Variants in SPOCK3 observed in about 807,000 individuals in gnomAD.
The protein encoded by SPOCK3 is SPARC (osteonectin), cwcv and kazal like domains proteoglycan 3.
SPOCK3 carries 30 observed loss-of-function variants against 56.6 expected under a neutral mutation model. The observed-to-expected ratio is 0.53, with a 90% confidence interval of 0.40 to 0.72. SPOCK3 has a LOEUF of 0.72. SPOCK3 is among the 30% of genes least tolerant of loss of function. The pLI is 0.00. For synonymous variants in SPOCK3, 196 were observed against 183.3 expected, an observed-to-expected ratio of 1.07 and a Z score of -0.56; for missense variants, 527 against 530.0, an observed-to-expected ratio of 0.99 and a Z score of 0.06.
At chr4:167,014,456 G>A (rs539258744) in intron 3 of SPOCK3, among the ~76,000 whole-genome samples, 1 of 151,620 alleles carries the variant, frequency 6.6e-6, no homozygotes, top group Admixed American at 6.6e-5. Context: ...GACTAGCCTG[G>A]GCAACAAGGT....
intron 2 of SPOCK3, among the ~76,000 whole-genome samples, chr4:167,085,746 A>G (rs1758136240): frequency 6.6e-6 from 1 of 152,120 alleles, no homozygotes; most frequent in South Asian, 2.1e-4. Flanking sequence ...GTCCATTTTT[A>G]TAAGGCCCTG....
At chr4:166,808,193 GTGAT>G (rs1743380067) in intron 6 of SPOCK3, among the ~76,000 whole-genome samples, 1 of 152,000 alleles carries the variant, frequency 6.6e-6, no homozygotes, top group Admixed American at 6.6e-5. Flanking sequence ...CTTTGTTTGT[GTGAT>G]TGTTTGTTTG....
intron 4 of SPOCK3, among the ~76,000 whole-genome samples, chr4:166,990,434 A>C (rs901791354): frequency 6.6e-6 from 1 of 152,128 alleles, no homozygotes; most frequent in African/African-American, 2.4e-5. Flanking sequence ...TTTTTTAAAA[A>C]TCTAAAGAAA....
chr4:166,891,737 T>C (rs994038180), intron 5 of SPOCK3, among the ~76,000 whole-genome samples: 2 of 152,044 alleles, frequency 1.3e-5, no homozygotes, highest in African/African-American at 2.4e-5. Flanking sequence ...TTCTGCACTG[T>C]ATCTTCTGTT....
chr4:166,788,943 C>T (rs1413451988), intron 7 of SPOCK3, among the ~76,000 whole-genome samples: 1 of 149,160 alleles, frequency 6.7e-6, no homozygotes, highest in Non-Finnish European at 1.5e-5. Context: ...AATACTGATG[C>T]AAACCCAAAA....
At chr4:167,091,749 T>C (rs1161744004) in intron 2 of SPOCK3, among the ~76,000 whole-genome samples, 1 of 152,168 alleles carries the variant, frequency 6.6e-6, no homozygotes, top group Non-Finnish European at 1.5e-5. Context: ...ATAAAGAAAG[T>C]GGAAAATCCC....
chr4:167,168,238 A>G (rs973683144), intron 2 of SPOCK3, among the ~76,000 whole-genome samples: 4 of 152,256 alleles, frequency 2.6e-5, no homozygotes, highest in Admixed American at 2.6e-4. Flanking sequence ...TGCTGTAAAT[A>G]TACCCAAAAA....
intron 2 of SPOCK3, among the ~76,000 whole-genome samples, chr4:167,205,535 T>G (rs1734192912): frequency 3.5e-5 from 2 of 57,378 alleles, no homozygotes; most frequent in African/African-American, 8.7e-5. Flanking sequence ...TATTATTATA[T>G]AATATATATT....
intron 2 of SPOCK3, among the ~76,000 whole-genome samples, chr4:167,097,549 T>A (rs1183484279): frequency 6.6e-6 from 1 of 151,970 alleles, no homozygotes; most frequent in East Asian, 1.9e-4. Flanking sequence ...TAATTTTTTT[T>A]AATTTCAACT....
intron 2 of SPOCK3, among the ~76,000 whole-genome samples, chr4:167,097,962 C>T (rs1001008882): frequency 6.6e-6 from 1 of 151,906 alleles, no homozygotes; most frequent in Non-Finnish European, 1.5e-5. Flanking sequence ...CTAAATAATG[C>T]ATAATTAACC....
intron 2 of SPOCK3, among the ~76,000 whole-genome samples, chr4:167,108,467 T>C (rs576795393): frequency 2.6e-5 from 4 of 152,102 alleles, no homozygotes; most frequent in African/African-American, 7.2e-5. Flanking sequence ...TGGCATACTA[T>C]TCAGCCATAA....
At chr4:167,117,885 C>T (rs1761561852) in intron 2 of SPOCK3, among the ~76,000 whole-genome samples, 1 of 152,190 alleles carries the variant, frequency 6.6e-6, no homozygotes, top group Non-Finnish European at 1.5e-5. Context: ...ACCCAACAGA[C>T]TGTGCCATGA....
intron 2 of SPOCK3, among the ~76,000 whole-genome samples, chr4:167,079,323 A>T (rs1757500297): frequency 6.6e-6 from 1 of 152,010 alleles, no homozygotes; most frequent in African/African-American, 2.4e-5. Context: ...TCCATTCATG[A>T]GGAACAACCT....
At chr4:167,010,854 A>G (rs563816287) in intron 3 of SPOCK3, among the ~76,000 whole-genome samples, 24 of 152,282 alleles carry the variant, frequency 1.6e-4, no homozygotes, top group African/African-American at 5.5e-4. Flanking sequence ...AACTCATTAA[A>G]AATAGTGAGG....
intron 10 of SPOCK3, among the ~76,000 whole-genome samples, chr4:166,736,181 C>A (rs1734201128): frequency 6.6e-6 from 1 of 152,030 alleles, no homozygotes; most frequent in Non-Finnish European, 1.5e-5. Flanking sequence ...TTTAGTTCTC[C>A]AACTTCATCT....
chr4:166,963,029 T>G (rs1394373722), intron 4 of SPOCK3, among the ~76,000 whole-genome samples: 1 of 151,410 alleles, frequency 6.6e-6, no homozygotes, highest in African/African-American at 2.4e-5. Context: ...CACTATGTTC[T>G]AGGTAGGACA....
intron 4 of SPOCK3, among the ~76,000 whole-genome samples, chr4:166,920,226 G>A (rs886087269): frequency 3.9e-5 from 6 of 151,926 alleles, no homozygotes; most frequent in African/African-American, 7.3e-5. Context: ...TTCTAGACCC[G>A]TTGATGTAAT....
chr4:167,001,221 TAGA>T (rs1463328651), intron 3 of SPOCK3, among the ~76,000 whole-genome samples: 1 of 152,154 alleles, frequency 6.6e-6, no homozygotes, highest in Non-Finnish European at 1.5e-5. Context: ...CAATCAATAT[TAGA>T]AGAATTTCAT....
At chr4:167,138,166 C>A (rs1763267609) in intron 2 of SPOCK3, among the ~76,000 whole-genome samples, 1 of 151,584 alleles carries the variant, frequency 6.6e-6, no homozygotes, top group African/African-American at 2.4e-5. Context: ...CAGATCATTT[C>A]TTTATTTTTC....
Sources: gnomAD v4.1 joint callset for allele counts (sites outside exome capture counted in the v4.1 genomes callset) on GRCh38, gnomAD v4.1.1 for gene constraint, MANE v1.5 for transcripts, NCBI Gene and HGNC (gene_info 2026-07-23, HGNC 2026-07-21) for gene names.